Variants in TTC23L observed in about 807,000 individuals in gnomAD.
TTC23L encodes tetratricopeptide repeat domain 23 like.
A neutral mutation model predicts 48.1 loss-of-function variants in TTC23L; 42 were observed. The observed-to-expected ratio is 0.87, with a 90% confidence interval of 0.68 to 1.13. The LOEUF is 1.13. TTC23L is among the 50% of genes most tolerant of loss of function. The pLI is 0.00. For synonymous variants in TTC23L, 159 were observed against 157.2 expected (o/e 1.01, Z -0.09); for missense variants, 391 against 421.0 (o/e 0.93, Z 0.62).
At chr5:34,851,277 T>A (rs954083174) in intron 4 of TTC23L, among the ~76,000 whole-genome samples, 5 of 152,170 alleles carry the variant, frequency 3.3e-5, no homozygotes, top group Non-Finnish European at 7.3e-5. Flanking sequence ...ATTTGAAGGC[T>A]ACAGGAAAAG....
chr5:34,849,352 C>G (rs1759476010), intron 3 of TTC23L, among the ~76,000 whole-genome samples: 1 of 152,174 alleles, frequency 6.6e-6, no homozygotes, highest in African/African-American at 2.4e-5. Flanking sequence ...ATTAACCAAA[C>G]TTCTAAACCC....
At chr5:34,867,068 A>G in exon 7 of TTC23L, 1 of 1,609,188 alleles carries the variant, frequency 6.2e-7, no homozygotes, top group Non-Finnish European at 8.5e-7. Flanking sequence ...TACTTGCAGC[A>G]GGTCAGTGGG....
chr5:34,864,893 A>G (rs932754546), intron 6 of TTC23L, among the ~76,000 whole-genome samples: 5 of 152,302 alleles, frequency 3.3e-5, no homozygotes, highest in South Asian at 4.1e-4. Flanking sequence ...TCTTCCTTAT[A>G]CTTGCCTCTC....
intron 8 of TTC23L, among the ~76,000 whole-genome samples, chr5:34,875,862 C>T (rs931025406): frequency 3.3e-5 from 5 of 152,128 alleles, no homozygotes; most frequent in African/African-American, 9.7e-5. Context: ...TCACATGGAA[C>T]ATTCACCATG....
chr5:34,868,654 C>A, intron 7 of TTC23L: 2 of 337,794 alleles, frequency 5.9e-6, no homozygotes, highest in Non-Finnish European at 1.1e-5. Flanking sequence ...ATTATACTAG[C>A]CAACATTTAT....
intron 1 of TTC23L, among the ~76,000 whole-genome samples, chr5:34,839,863 A>G (rs1350807112): frequency 6.6e-6 from 1 of 152,226 alleles, no homozygotes. Context: ...GGTTTCTCCT[A>G]TCATCTAACA....
At chr5:34,898,568 C>T (rs1376256945) in intron 10 of TTC23L, among the ~76,000 whole-genome samples, 2 of 152,120 alleles carry the variant, frequency 1.3e-5, no homozygotes, top group Non-Finnish European at 2.9e-5. Context: ...TTATGAGACC[C>T]CTGGGCAACT....
At chr5:34,872,628 A>G (rs958122025) in intron 8 of TTC23L, among the ~76,000 whole-genome samples, 1 of 152,226 alleles carries the variant, frequency 6.6e-6, no homozygotes, top group African/African-American at 2.4e-5. Context: ...GATAATATCT[A>G]GTAAAATTTA....
Position 34,854,443 on chromosome 5 carries a change from C to G in TTC23L, c.379+4135C>G, listed in dbSNP as rs943327857. 4.6e-5 allele frequency among the ~76,000 whole-genome samples: 7 copies of G among 152,302 alleles called. No homozygotes were observed. In the South Asian group the frequency reaches 1.4e-3, roughly 32 times the overall value. ...TTAAGCTTTTATTTCAGTTTCTTCA[C>G]TTCAGCTTTTTTAGTGTCTGGTCCA... On this transcript the variant is annotated intron_variant, in intron 4 of 10. Coordinates refer to ENST00000505624, the Ensembl canonical transcript of TTC23L.
intron 9 of TTC23L, among the ~76,000 whole-genome samples, chr5:34,889,556 A>G (rs922577687): frequency 5.3e-5 from 8 of 152,106 alleles, no homozygotes; most frequent in African/African-American, 1.9e-4. Context: ...TGGGCCCCAC[A>G]GGAGACTATC....
the TTC23L span, among the ~76,000 whole-genome samples, chr5:34,912,862 G>A: frequency 6.6e-6 from 1 of 151,996 alleles, no homozygotes; most frequent in African/African-American, 2.4e-5. Context: ...TTAGCCGGGC[G>A]TGGTGGCACG....
At chr5:34,922,049 G>T in the TTC23L span, 1 of 399,666 alleles carries the variant, frequency 2.5e-6, no homozygotes, top group South Asian at 6.3e-5. Flanking sequence ...GAATACCTAA[G>T]AGGAACTTTA....
At chr5:34,925,466 CAG>C in the TTC23L span, 2 of 1,613,642 alleles carry the variant, frequency 1.2e-6, no homozygotes, top group Non-Finnish European at 1.7e-6. Flanking sequence ...AAAAATGAAA[CAG>C]AGGATGGACA....
chr5:34,908,202 T>C, the TTC23L span: 3 of 149,980 alleles, frequency 2.0e-5, no homozygotes, highest in East Asian at 5.8e-4. Context: ...AGGCAGAGTT[T>C]TGCTCTTATT....
intron 9 of TTC23L, among the ~76,000 whole-genome samples, chr5:34,889,034 T>C (rs1762698613): frequency 6.6e-6 from 1 of 152,202 alleles, no homozygotes; most frequent in African/African-American, 2.4e-5. Flanking sequence ...GAGAGTTTTG[T>C]ATAGACTTGT....
chr5:34,889,460 T>C (rs1475914949), intron 9 of TTC23L, among the ~76,000 whole-genome samples: 1 of 152,200 alleles, frequency 6.6e-6, no homozygotes, highest in African/African-American at 2.4e-5. Flanking sequence ...AGGTTCACTA[T>C]GCTAGACAGG....
At chr5:34,850,352 G>T (rs747670946) in intron 4 of TTC23L, 44 bp downstream of exon 4, 2 of 1,611,372 alleles carry the variant, frequency 1.2e-6, no homozygotes, top group Middle Eastern at 1.7e-4. Flanking sequence ...AGCCTCTGAA[G>T]GCTGAACTGA....
intron 10 of TTC23L, among the ~76,000 whole-genome samples, chr5:34,898,027 A>G (rs148774785): frequency 1.2e-3 from 180 of 152,348 alleles, no homozygotes; most frequent in African/African-American, 4.2e-3. Context: ...GCTATGGGCA[A>G]TCCTGGTTTC....
At chr5:34,909,119 T>TA in the TTC23L span, 1 of 870,130 alleles carries the variant, frequency 1.1e-6, no homozygotes. Context: ...CATCCCCTAG[T>TA]AAGTCCAGCA....
Sources: allele counts gnomAD v4.1 joint callset (sites outside exome capture counted in the v4.1 genomes callset), GRCh38; gene constraint gnomAD v4.1.1; transcripts MANE v1.5; gene names NCBI Gene and HGNC (gene_info 2026-07-23, HGNC 2026-07-21).